SHROOM2: variants seen among roughly 807,000 people sequenced by gnomAD.
SHROOM2 encodes shroom family member 2.
Under a neutral mutation model 75.9 loss-of-function variants are expected in SHROOM2, and 33 were observed. That is an observed-to-expected ratio of 0.43 (90% CI 0.33 to 0.58). The LOEUF is 0.58. Ranked by LOEUF, SHROOM2 falls within the 20% of genes least tolerant of loss-of-function variation. SHROOM2 has a pLI of 0.04. For synonymous variants in SHROOM2, 655 were observed against 663.6 expected (o/e 0.99, Z 0.20); for missense variants, 1,434 against 1,461.2 (o/e 0.98, Z 0.30).
At chrX:9,917,581 C>A (rs187278203) in intron 5 of SHROOM2, among the ~76,000 whole-genome samples, 1 of 111,191 alleles carries the variant, frequency 9.0e-6, no homozygotes, top group African/African-American at 3.3e-5. Context: ...AGTGCAGTGC[C>A]GCAATCTCAG....
intron 1 of SHROOM2, among the ~76,000 whole-genome samples, chrX:9,833,942 CAAAG>C (rs1230007286): frequency 9.0e-6 from 1 of 111,395 alleles, no homozygotes; most frequent in Non-Finnish European, 1.9e-5. Flanking sequence ...CCTGCAGCCT[CAAAG>C]GAAGGATATG....
At chrX:9,872,395 TCTCTACTAAAAATACAAAAATTA>T (rs2084175823) in intron 1 of SHROOM2, among the ~76,000 whole-genome samples, 1 of 112,088 alleles carries the variant, frequency 8.9e-6, no homozygotes, top group African/African-American at 3.2e-5. Context: ...TGAAACCCTG[TCTCTACTAAAAATACAAAAATTA>T]GCTGGACGTG....
At chrX:9,885,470 A>G (rs2084255868) in intron 2 of SHROOM2, among the ~76,000 whole-genome samples, 1 of 111,039 alleles carries the variant, frequency 9.0e-6, no homozygotes, top group Non-Finnish European at 1.9e-5. Context: ...AGAGGTGCCA[A>G]CAAACAGAAA....
chrX:9,848,127 A>G (rs1183287373), intron 1 of SHROOM2, among the ~76,000 whole-genome samples: 1 of 112,218 alleles, frequency 8.9e-6, no homozygotes, highest in African/African-American at 3.2e-5. Context: ...CAGATTCCCC[A>G]CTGTATACTG....
At chrX:9,930,015 A>G (rs145712946) in intron 5 of SHROOM2, among the ~76,000 whole-genome samples, 2,320 of 111,281 alleles carry the variant, frequency 0.021, 59 homozygotes, top group African/African-American at 0.064. Context: ...GCCATGTGGA[A>G]CTCTAAGTCC....
intron 8 of SHROOM2, among the ~76,000 whole-genome samples, chrX:9,940,748 G>C (rs2084761940): frequency 8.9e-6 from 1 of 112,482 alleles, no homozygotes; most frequent in African/African-American, 3.2e-5. Flanking sequence ...AGCGAGCATA[G>C]CGCAGATGGG....
chrX:9,934,530 A>G (rs987429285), intron 6 of SHROOM2, among the ~76,000 whole-genome samples: 4 of 111,448 alleles, frequency 3.6e-5, no homozygotes, highest in East Asian at 2.8e-4. Context: ...TCAGGCTGCT[A>G]TAATAAGATC....
rs922526512 is a variant in SHROOM2 at position 9,948,188 on chromosome X, C to T, written c.*1251C>T. ...GCCCAAGTGAAAAGCAGGCAAAAGA[C>T]TTGAATAGACACTTCACCAAAGAGC... is the stretch of plus-strand genomic sequence containing the variant. On this transcript the variant is annotated 3_prime_UTR_variant, in exon 10 of 10. Transcript: ENST00000380913. 2 of 112,423 alleles carry T rather than the reference C, an allele frequency of 1.8e-5. No homozygotes were observed. Among genetic ancestry groups the T allele is most frequent in the African/African-American group, 6.5e-5 (2 of 30,956 alleles). 9.3% of individuals were successfully genotyped at this position (112,423 alleles called of 1,213,427 possible).
chrX:9,816,598 G>GCTGCTGCTGCTGCTA (rs1203495497), intron 1 of SHROOM2, among the ~76,000 whole-genome samples: 1 of 111,108 alleles, frequency 9.0e-6, no homozygotes, highest in African/African-American at 3.3e-5. Flanking sequence ...TGCTGCTGCT[G>GCTGCTGCTGCTGCTA]CTGCTGCTGC....
chrX:9,826,979 T>G (rs2083890625), intron 1 of SHROOM2, among the ~76,000 whole-genome samples: 1 of 110,807 alleles, frequency 9.0e-6, no homozygotes, highest in South Asian at 3.8e-4. Context: ...AATGTTACTG[T>G]GTATTCAGTT....
At chrX:9,794,126 G>A (rs1396534372) in intron 1 of SHROOM2, among the ~76,000 whole-genome samples, 3 of 111,571 alleles carry the variant, frequency 2.7e-5, no homozygotes, top group African/African-American at 6.5e-5. Flanking sequence ...TGAGTCTGGG[G>A]GTACATACTG....
chrX:9,846,838 G>T (rs1042380281), intron 1 of SHROOM2, among the ~76,000 whole-genome samples: 2 of 112,273 alleles, frequency 1.8e-5, no homozygotes, highest in Non-Finnish European at 3.8e-5. Flanking sequence ...TGTGGTTGGC[G>T]TCTGCCTTCC....
intron 3 of SHROOM2, among the ~76,000 whole-genome samples, chrX:9,892,258 A>C (rs2084298127): frequency 9.3e-6 from 1 of 108,029 alleles, no homozygotes; most frequent in Non-Finnish European, 1.9e-5. Flanking sequence ...GTCTCTTAAA[A>C]AAAAAAAAAA....
intron 5 of SHROOM2, among the ~76,000 whole-genome samples, chrX:9,917,281 T>A (rs1445721311): frequency 8.9e-6 from 1 of 111,955 alleles, no homozygotes; most frequent in East Asian, 2.8e-4. Flanking sequence ...TTGCCCCTGC[T>A]TGTGCCCTTC....
chrX:9,890,573 C>T (rs1051547096), intron 2 of SHROOM2, among the ~76,000 whole-genome samples: 1 of 113,301 alleles, frequency 8.8e-6, no homozygotes, highest in East Asian at 2.8e-4. Flanking sequence ...CACAAGCGTG[C>T]GCGCTGTGCG....
intron 1 of SHROOM2, among the ~76,000 whole-genome samples, chrX:9,862,093 G>GT (rs1421320422): frequency 1.8e-5 from 2 of 112,221 alleles, no homozygotes; most frequent in Non-Finnish European, 3.8e-5. Flanking sequence ...CACAGAGATC[G>GT]TGTACATGCA....
chrX:9,913,707 A>C (rs1024636314), intron 5 of SHROOM2, among the ~76,000 whole-genome samples: 2 of 112,509 alleles, frequency 1.8e-5, no homozygotes, highest in African/African-American at 6.5e-5. Context: ...AAAGGTAAAA[A>C]GGCAAAGGAG....
intron 1 of SHROOM2, among the ~76,000 whole-genome samples, chrX:9,813,457 C>T (rs1284416498): frequency 9.0e-6 from 1 of 111,720 alleles, no homozygotes; most frequent in African/African-American, 3.3e-5. Flanking sequence ...CCCAAAATGT[C>T]TGATCATTTC....
At chrX:9,891,766 G>A (rs184747125) in intron 3 of SHROOM2, among the ~76,000 whole-genome samples, 1,671 of 108,697 alleles carry the variant, frequency 0.015, 27 homozygotes, top group African/African-American at 0.052. Flanking sequence ...GTGTCTGTTC[G>A]TGTGTGCCTG....
Sources: gnomAD v4.1 joint callset for allele counts (sites outside exome capture counted in the v4.1 genomes callset) on GRCh38, gnomAD v4.1.1 for gene constraint, MANE v1.5 for transcripts, NCBI Gene and HGNC (gene_info 2026-07-23, HGNC 2026-07-21) for gene names.